Variants in MAP7 observed in about 807,000 individuals in gnomAD.
MAP7 encodes microtubule associated protein 7.
In MAP7, 52 loss-of-function variants were observed where a neutral mutation model predicts 94.8. The observed-to-expected ratio is 0.55, with a 90% confidence interval of 0.44 to 0.69. The LOEUF (loss-of-function observed/expected upper bound fraction) is 0.69. Among genes scored for constraint, MAP7 ranks in the 30% least tolerant of loss-of-function variants. The pLI, the probability that MAP7 is intolerant of heterozygous loss-of-function variation, is 0.00. For missense variants in MAP7, 940 were observed against 964.6 expected (o/e 0.97, Z 0.34); for synonymous variants, 350 against 357.0 (o/e 0.98, Z 0.22).
chr6:136,344,613 T>C (rs1787178500), intron 17 of MAP7, among the ~76,000 whole-genome samples: 1 of 152,242 alleles, frequency 6.6e-6, no homozygotes, highest in Non-Finnish European at 1.5e-5. Context: ...CTGGAAGTTC[T>C]TTCCCTTCCT....
chr6:136,533,526 T>C (rs962798147), intron 1 of MAP7, among the ~76,000 whole-genome samples: 1 of 152,240 alleles, frequency 6.6e-6, no homozygotes, highest in African/African-American at 2.4e-5. Flanking sequence ...GTTTTAAGAC[T>C]TTTCCTCAAT....
intron 1 of MAP7, among the ~76,000 whole-genome samples, chr6:136,478,176 C>T (rs1397144946): frequency 1.3e-5 from 2 of 152,124 alleles, no homozygotes; most frequent in East Asian, 3.8e-4. Context: ...TAAGTGCCTA[C>T]ATCAAAAAAG....
At chr6:136,451,516 T>C (rs2128882263) in intron 1 of MAP7, among the ~76,000 whole-genome samples, 1 of 152,334 alleles carries the variant, frequency 6.6e-6, no homozygotes, top group Non-Finnish European at 1.5e-5. Flanking sequence ...AGGAGATGAA[T>C]GTTGTTTTCA....
intron 8 of MAP7, among the ~76,000 whole-genome samples, chr6:136,367,005 T>C (rs1033006219): frequency 6.6e-6 from 1 of 152,178 alleles, no homozygotes; most frequent in South Asian, 2.1e-4. Flanking sequence ...AGATAACTGA[T>C]ACAATAGGTG....
At chr6:136,466,714 C>T (rs781442092) in intron 1 of MAP7, 251 of 1,520,088 alleles carry the variant, frequency 1.7e-4, no homozygotes, top group Middle Eastern at 3.4e-4. Context: ...GATTCTTGAA[C>T]GTCCTTATTA....
At chr6:136,487,806 C>T (rs117896896) in intron 1 of MAP7, among the ~76,000 whole-genome samples, 131 of 152,166 alleles carry the variant, frequency 8.6e-4, no homozygotes, top group Non-Finnish European at 1.6e-3. Flanking sequence ...TGTCTAGAGG[C>T]GATTTCTGTT....
intron 3 of MAP7, among the ~76,000 whole-genome samples, chr6:136,395,807 G>T (rs1782298411): frequency 6.6e-6 from 1 of 152,088 alleles, no homozygotes; most frequent in African/African-American, 2.4e-5. Context: ...ATTTATTGAA[G>T]AGACTGTCCT....
At chr6:136,410,461 C>T (rs866494199) in intron 3 of MAP7, among the ~76,000 whole-genome samples, 1 of 152,220 alleles carries the variant, frequency 6.6e-6, no homozygotes, top group South Asian at 2.1e-4. Context: ...GAAGGGAGAG[C>T]CCTGGTGACC....
intron 3 of MAP7, among the ~76,000 whole-genome samples, chr6:136,389,858 T>C (rs1780211742): frequency 1.3e-5 from 2 of 152,214 alleles, no homozygotes; most frequent in East Asian, 1.9e-4. Context: ...TCTGTCTCTT[T>C]TTTTTATTAT....
At chr6:136,377,522 A>T (rs1333212869) in intron 7 of MAP7, among the ~76,000 whole-genome samples, 2 of 152,226 alleles carry the variant, frequency 1.3e-5, no homozygotes, top group Non-Finnish European at 2.9e-5. Flanking sequence ...CTCTGAAGCC[A>T]TCGGAGCCCG....
At position 136,362,495 on chromosome 6, in the gene MAP7, C is replaced by G. The variant is rs868502218; in HGVS notation, c.1481G>C (p.Arg494Thr). ...AEKRRLAREQ[R>T]EKEERERREQ... ...CCTCCTCTCCCTTTCTTCCTTTTCTCTCTGCTCTCGGGCCAGCCGCCTCTT... is the reference window on the plus strand; with the variant it reads ...CCTCCTCTCCCTTTCTTCCTTTTCTGTCTGCTCTCGGGCCAGCCGCCTCTT... The change falls in exon 11 of 18, where the codon AGA becomes ACA. Residue 494 changes from arginine to threonine, a missense_variant. Transcript: ENST00000354570. The G allele has an allele frequency of 6.2e-7, 1 of 1,614,090 alleles. No individual in the cohort carries two copies. The highest frequency in any genetic ancestry group is 8.5e-7 in the Non-Finnish European group (1 of 1,180,048).
chr6:136,474,357 G>A (rs1045324598), intron 1 of MAP7, among the ~76,000 whole-genome samples: 8 of 152,184 alleles, frequency 5.3e-5, no homozygotes, highest in South Asian at 2.1e-4. Context: ...GGGTGTACAC[G>A]GCAGGGGCGA....
intron 15 of MAP7, among the ~76,000 whole-genome samples, chr6:136,358,858 T>C (rs1205295637): frequency 1.3e-5 from 2 of 152,178 alleles, no homozygotes; most frequent in African/African-American, 2.4e-5. Flanking sequence ...AATCAGGAGC[T>C]GGGGGACCGG....
intron 1 of MAP7, chr6:136,526,249 C>T (rs1423020526): frequency 1.6e-5 from 18 of 1,152,030 alleles, no homozygotes; most frequent in African/African-American, 3.3e-5. Flanking sequence ...GTGATTGCTC[C>T]GGCTCATGCA....
chr6:136,489,807 G>A lies in MAP7; in HGVS notation c.67+60535C>T, dbSNP rs138284661. ...GCCTCCTAAAGTGCTGGGATTACAG[G>A]CGTGAGTCACCGCACCTGGCCTGTA... On this transcript the variant is annotated intron_variant, in intron 1 of 17. Coordinates refer to ENST00000354570, the MANE Select transcript of MAP7 (RefSeq NM_003980.6). Among the ~76,000 whole-genome samples the A allele has an allele frequency of 2.3e-4, 35 of 152,036 alleles. 1 individual carries two copies. The East Asian group carries it at 6.8e-3, about 29-fold the overall frequency.
At chr6:136,508,626 G>GT (rs893133793) in intron 1 of MAP7, among the ~76,000 whole-genome samples, 10 of 152,152 alleles carry the variant, frequency 6.6e-5, no homozygotes, top group Admixed American at 3.3e-4. Context: ...CTCATAAACT[G>GT]TAAGTTTCAG....
intron 1 of MAP7, among the ~76,000 whole-genome samples, chr6:136,502,446 C>T (rs1221062029): frequency 6.6e-6 from 1 of 152,218 alleles, no homozygotes; most frequent in Non-Finnish European, 1.5e-5. Context: ...CTTTTGTTGG[C>T]ACAGTCATTA....
At chr6:136,426,155 G>A (rs17722974) in intron 1 of MAP7, among the ~76,000 whole-genome samples, 1,589 of 152,148 alleles carry the variant, frequency 0.01, 21 homozygotes, top group East Asian at 0.039. Context: ...CAAAGTTCCC[G>A]TCTTCAACCT....
chr6:136,500,145 A>AT (rs1229285759), intron 1 of MAP7, among the ~76,000 whole-genome samples: 2 of 152,230 alleles, frequency 1.3e-5, no homozygotes, highest in East Asian at 3.8e-4. Context: ...TATAAAGGAA[A>AT]TTGTAGTAGC....
Sources: gnomAD v4.1 joint callset for allele counts (sites outside exome capture counted in the v4.1 genomes callset) on GRCh38, gnomAD v4.1.1 for gene constraint, MANE v1.5 for transcripts, NCBI Gene and HGNC (gene_info 2026-07-23, HGNC 2026-07-21) for gene names.